Variants in OTOP1 observed in about 807,000 individuals in gnomAD.
The protein encoded by OTOP1 is proton channel OTOP1.
In OTOP1, 59 loss-of-function variants were observed where a neutral mutation model predicts 52.9. That is an observed-to-expected ratio of 1.12 (90% confidence interval 0.91 to 1.39). OTOP1 has a LOEUF of 1.39. Ranked by LOEUF, OTOP1 falls within the 40% of genes most tolerant of loss-of-function variation. The pLI is 0.00. For missense variants in OTOP1, 761 were observed against 800.9 expected, an observed-to-expected ratio of 0.95 and a Z score of 0.60; for synonymous variants, 317 against 337.7, an observed-to-expected ratio of 0.94 and a Z score of 0.67.
At chr4:4,201,253 C>G (rs1450100618) in intron 4 of OTOP1, among the ~76,000 whole-genome samples, 1 of 151,928 alleles carries the variant, frequency 6.6e-6, no homozygotes, top group Non-Finnish European at 1.5e-5. Context: ...ATAGTGAAAC[C>G]CCGTCTCTAC....
chr4:4,199,368 T>C (rs987578167), intron 4 of OTOP1, among the ~76,000 whole-genome samples: 4 of 151,736 alleles, frequency 2.6e-5, no homozygotes, highest in African/African-American at 9.7e-5. Flanking sequence ...CACATTATAA[T>C]TAAGATGTGC....
At chr4:4,213,131 G>T in intron 1 of OTOP1, 127 bp from the exon 2 acceptor site, 2 of 1,216,354 alleles carry the variant, frequency 1.6e-6, no homozygotes, top group South Asian at 1.6e-5. Context: ...TTTCACAAGG[G>T]TGCCGAGACC....
intron 2 of OTOP1, among the ~76,000 whole-genome samples, chr4:4,211,799 C>G (rs1717032053): frequency 6.6e-6 from 1 of 151,890 alleles, no homozygotes; most frequent in Admixed American, 6.6e-5. Flanking sequence ...AACAAAATAA[C>G]CTAAAGAGTA....
At chr4:4,220,103 AT>A (rs1322558239) in intron 1 of OTOP1, among the ~76,000 whole-genome samples, 1 of 53,592 alleles carries the variant, frequency 1.9e-5, no homozygotes, top group African/African-American at 5.6e-5. Context: ...ATATATATAT[AT>A]ATTTTTTTTT....
intron 5 of OTOP1, among the ~76,000 whole-genome samples, chr4:4,192,864 G>T (rs2916412): frequency 0.34 from 50,948 of 151,932 alleles, 9,385 homozygotes; most frequent in African/African-American, 0.48. Flanking sequence ...CTGAAAGAAC[G>T]GTGGTTGTCA....
intron 5 of OTOP1, among the ~76,000 whole-genome samples, chr4:4,189,176 T>C (rs1716449657): frequency 6.6e-6 from 1 of 152,142 alleles, no homozygotes; most frequent in Admixed American, 6.5e-5. Flanking sequence ...CCTGCTCACT[T>C]CCTCAACCAC....
intron 1 of OTOP1, among the ~76,000 whole-genome samples, chr4:4,219,877 GTATATATACACATATA>G (rs1717243720): frequency 7.0e-6 from 1 of 142,052 alleles, no homozygotes; most frequent in African/African-American, 2.6e-5. Flanking sequence ...ATACATATAT[GTATATATACACATATA>G]TGTATACACA....
intron 1 of OTOP1, among the ~76,000 whole-genome samples, chr4:4,213,722 T>C (rs1717073759): frequency 6.6e-6 from 1 of 152,218 alleles, no homozygotes; most frequent in Non-Finnish European, 1.5e-5. Flanking sequence ...TGTTGATGGA[T>C]GCTGGGTCGC....
chr4:4,211,637 G>A (rs1717028555), intron 2 of OTOP1, among the ~76,000 whole-genome samples: 1 of 152,076 alleles, frequency 6.6e-6, no homozygotes, highest in South Asian at 2.1e-4. Flanking sequence ...TGGTGATGTG[G>A]GCCTGTAGTC....
At position 4,197,767 on chromosome 4, in the gene OTOP1, G is replaced by A. The variant is rs768849476; in HGVS notation, c.1067C>T (p.Thr356Ile). The A allele has an allele frequency of 6.2e-7, 1 of 1,613,980 alleles. No homozygotes were observed. The highest frequency in any genetic ancestry group is 8.5e-7 in the Non-Finnish European group (1 of 1,179,996). Residue 356 changes from threonine to isoleucine, a missense_variant, in exon 5 of 6, where the codon ACC becomes ATC. Thr to Ile is a moderately conservative substitution (Grantham distance 89). Around this residue, in one of 3 missense-constraint regions of OTOP1, gnomAD observed 632 missense variants for 619.5 expected, o/e 1.02. Transcript: ENST00000296358. ...CGCAGCCCCCATAAGCATCAGCAGG[G>A]TGATGGCATACAGGTAGAACATGAT... ...ALIMFYLYAI[T>I]LLMLMGAAGL...
At chr4:4,215,252 G>A (rs1001191203) in intron 1 of OTOP1, among the ~76,000 whole-genome samples, 1 of 152,192 alleles carries the variant, frequency 6.6e-6, no homozygotes, top group African/African-American at 2.4e-5. Flanking sequence ...AACAAAGCCT[G>A]GTCCAATCAA....
At chr4:4,209,402 T>C (rs1333392488) in intron 2 of OTOP1, among the ~76,000 whole-genome samples, 1 of 152,264 alleles carries the variant, frequency 6.6e-6, no homozygotes, top group African/African-American at 2.4e-5. Context: ...CCAACAGGTA[T>C]AGAATGATTA....
At chr4:4,224,482 C>A (rs547213131) in intron 1 of OTOP1, among the ~76,000 whole-genome samples, 2 of 151,896 alleles carry the variant, frequency 1.3e-5, no homozygotes, top group African/African-American at 4.8e-5. Flanking sequence ...AAAGAAGGAA[C>A]AAAAAAGGGG....
At chr4:4,196,570 T>C (rs527892016) in intron 5 of OTOP1, among the ~76,000 whole-genome samples, 14 of 150,728 alleles carry the variant, frequency 9.3e-5, no homozygotes, top group South Asian at 2.1e-4. Context: ...AAAAAGAGAG[T>C]TTTTTAAATT....
At chr4:4,196,983 G>A (rs1410176021) in intron 5 of OTOP1, among the ~76,000 whole-genome samples, 183 bp downstream of exon 5, 1 of 152,144 alleles carries the variant, frequency 6.6e-6, no homozygotes, top group African/African-American at 2.4e-5. Context: ...CGGAAGCGGG[G>A]TGCAGGGTGA....
intron 1 of OTOP1, among the ~76,000 whole-genome samples, chr4:4,219,940 TAC>T (rs1202118768): frequency 2.8e-5 from 4 of 142,354 alleles, no homozygotes; most frequent in Non-Finnish European, 6.0e-5. Flanking sequence ...TATACATATA[TAC>T]ACATATATAC....
chr4:4,202,002 T>C (rs1372668949), intron 4 of OTOP1, among the ~76,000 whole-genome samples: 1 of 152,200 alleles, frequency 6.6e-6, no homozygotes, highest in African/African-American at 2.4e-5. Flanking sequence ...AATTAAAACT[T>C]TAAATGAACT....
chr4:4,226,438 C>T, intron 1 of OTOP1, 24 bp downstream of exon 1: 11 of 1,409,330 alleles, frequency 7.8e-6, no homozygotes, highest in Non-Finnish European at 1.0e-5. Flanking sequence ...GGCGGAGACC[C>T]GCTCGCCCGG....
intron 2 of OTOP1, among the ~76,000 whole-genome samples, chr4:4,212,414 T>G (rs1186154354): frequency 6.6e-6 from 1 of 152,248 alleles, no homozygotes; most frequent in Non-Finnish European, 1.5e-5. Context: ...ACAAGGTTTC[T>G]ATGAAGGAAG....
Sources: gnomAD v4.1 joint callset for allele counts (sites outside exome capture counted in the v4.1 genomes callset) on GRCh38, gnomAD v4.1.1 for gene constraint, gnomAD v4.1.1 regional missense constraint, MANE v1.5 for transcripts, NCBI Gene and HGNC (gene_info 2026-07-23, HGNC 2026-07-21) for gene names.